The following UBAP2L variants were observed in gnomAD, a reference collection of about 807,000 sequenced individuals.
UBAP2L encodes ubiquitin-associated protein 2-like.
In UBAP2L, 12 loss-of-function variants were observed where a neutral mutation model predicts 130.6. The ratio of observed to expected loss-of-function variants is 0.09; its 90% CI spans 0.06 to 0.15. The LOEUF (loss-of-function observed/expected upper bound fraction) is 0.15, where lower values mean the gene tolerates loss of function less well. Among genes scored for constraint, UBAP2L ranks in the 10% least tolerant of loss-of-function variants. The pLI, the probability that UBAP2L is intolerant of heterozygous loss-of-function variation, is 1.00. For missense variants in UBAP2L, 965 were observed against 1,332.5 expected (o/e 0.72, Z 4.29); for synonymous variants, 503 against 524.7 (o/e 0.96, Z 0.57).
At chr1:154,243,482 A>G (rs1674267751) in intron 10 of UBAP2L, among the ~76,000 whole-genome samples, 180 bp downstream of exon 10, 1 of 149,828 alleles carries the variant, frequency 6.7e-6, no homozygotes, top group Non-Finnish European at 1.5e-5. Flanking sequence ...TGTTTTTGAG[A>G]CAGAGTCTCA....
rs372176341 is a variant in UBAP2L at position 154,255,414 on chromosome 1, A to T, written c.2084+88A>T. Reference sequence around the variant, plus strand: ...TTATTACTCCCTTGACCTGGCAGAGACCACATTAGCCCTGCTTTTGTCGTA... The same window carrying T: ...TTATTACTCCCTTGACCTGGCAGAGTCCACATTAGCCCTGCTTTTGTCGTA... On this transcript the variant is annotated intron_variant, in intron 17 of 26. Transcript: ENST00000428931. 71 of 1,510,768 alleles carry T rather than the reference A, an allele frequency of 4.7e-5. No individual in the cohort carries two copies. The South Asian group carries it at 8.3e-4, about 18-fold the overall frequency. The allele number at this position is 1,510,768 out of a possible 1,614,324, so 93.6% of individuals were successfully genotyped here. A position where few individuals can be genotyped will look rare whatever the true frequency, so the allele number is the denominator to read the frequency against.
intron 1 of UBAP2L, among the ~76,000 whole-genome samples, chr1:154,224,752 G>T (rs1238810011): frequency 6.6e-6 from 1 of 152,136 alleles, no homozygotes; most frequent in East Asian, 1.9e-4. Flanking sequence ...TTCTGTCAAA[G>T]GTACTTCAGA....
rs757879395 is a variant in UBAP2L, at chr1:154,261,588, T to A, written c.2797-4T>A. The stretch of plus-strand genomic sequence containing the variant: ...ACTGCAAATCTGGCCTTTTTGCTCT[T>A]TAGGTGGCTCCTACCTCTTCCAAGC... On this transcript the variant is annotated splice_polypyrimidine_tract_variant and splice_region_variant and intron_variant, in intron 23 of 26. Transcript: ENST00000428931. 3.7e-6 allele frequency: 6 copies of A among 1,614,100 alleles called. No homozygotes were observed. The highest frequency in any genetic ancestry group is 5.1e-6 in the Non-Finnish European group (6 of 1,180,002).
rs1365275199 is a variant in UBAP2L, at chr1:154,251,542, T to C, written c.1553T>C (p.Phe518Ser). Reference protein sequence around the residue: ...SADISGLNLQFGALQFGSEPV... With the variant: ...SADISGLNLQSGALQFGSEPV... ...GATATCTCAGGGCTAAACCTGCAGTTTGGGGCATTGCAGTTTGGGTCAGAG... is the reference window on the plus strand; with the variant it reads ...GATATCTCAGGGCTAAACCTGCAGTCTGGGGCATTGCAGTTTGGGTCAGAG... The change falls in exon 14 of 27, where the codon TTT (phenylalanine) becomes TCT (serine). Residue 518 changes from phenylalanine to serine, a missense_variant. Transcript: ENST00000428931. 6.2e-7 allele frequency: 1 copy of C among 1,614,118 alleles called. No individual in the cohort carries two copies.
At chr1:154,221,363 A>C (rs1665999047) in intron 1 of UBAP2L, 1 of 152,656 alleles carries the variant, frequency 6.6e-6, no homozygotes, top group Non-Finnish European at 1.5e-5. Flanking sequence ...AGCGAGAAAG[A>C]GCGCGAGCGA....
chr1:154,253,816 A>C, intron 14 of UBAP2L, 84 bp from the exon 15 acceptor site: 1 of 1,357,782 alleles, frequency 7.4e-7, no homozygotes, highest in Non-Finnish European at 1.0e-6. Context: ...AAGTTATTCC[A>C]CTAGTAGATC....
chr1:154,239,111 G>A (rs921464799), intron 8 of UBAP2L, among the ~76,000 whole-genome samples: 7 of 151,924 alleles, frequency 4.6e-5, no homozygotes, highest in Admixed American at 6.6e-5. Flanking sequence ...TAGCAAACTT[G>A]AGTTTCCCCT....
Position 154,270,334 on chromosome 1 carries a change from G to GT in UBAP2L, c.*39_*40insT, listed in dbSNP as rs1684472161. 6.2e-7 allele frequency: 1 copy of GT among 1,613,070 alleles called. No homozygotes were observed. Among genetic ancestry groups the GT allele is most frequent in the Admixed American group, 1.7e-5 (1 of 59,882 alleles). On this transcript the variant is annotated 3_prime_UTR_variant, in exon 27 of 27. Coordinates refer to ENST00000428931, the MANE Select transcript of UBAP2L (RefSeq NM_014847.4). ...TTCTCCCGGTCCCATCTTCTGAGAG[G>GT]GCTTCTCAGCCTGGAAACTATGGAA...
At position 154,257,448 on chromosome 1, in the gene UBAP2L, A is replaced by G; in HGVS notation, c.2442+14A>G. The G allele has an allele frequency of 6.2e-7, 1 of 1,612,034 alleles. No individual in the cohort carries two copies. The highest frequency in any genetic ancestry group is 8.5e-7 in the Non-Finnish European group (1 of 1,179,756). ...CATGCCTACCCGGTAAGTGGGACTA[A>G]AGGATCTTCTTCAAAAGGTGAGGAT... On this transcript the variant is annotated intron_variant, in intron 20 of 26. Transcript: ENST00000428931.
intron 4 of UBAP2L, 130 bp downstream of exon 4, chr1:154,228,855 T>C (rs1668846202): frequency 1.8e-6 from 1 of 567,202 alleles, no homozygotes. Flanking sequence ...GGGAACTTTC[T>C]TGGAGATTGT....
At chr1:154,258,939 A>G (rs750460215) in intron 20 of UBAP2L, 38 bp from the exon 21 acceptor site, 5 of 1,585,344 alleles carry the variant, frequency 3.2e-6, no homozygotes, top group Non-Finnish European at 1.7e-6. Context: ...TAACATCATG[A>G]CCAGTTCCTG....
chr1:154,223,157 A>C (rs1370771623), intron 1 of UBAP2L, among the ~76,000 whole-genome samples: 1 of 152,218 alleles, frequency 6.6e-6, no homozygotes, highest in African/African-American at 2.4e-5. Flanking sequence ...AAGCACTTGT[A>C]AGAGGGAAAT....
intron 12 of UBAP2L, 147 bp from the exon 13 acceptor site, chr1:154,250,894 A>G: frequency 2.9e-6 from 2 of 697,630 alleles, no homozygotes; most frequent in Non-Finnish European, 4.6e-6. Context: ...TGTCACCTAT[A>G]GAAATGAGAT....
chr1:154,235,159 G>T lies in UBAP2L; in HGVS notation c.449-37G>T, dbSNP rs12023901. The T allele has an allele frequency of 0.11, 81,848 of 721,898 alleles. 7,036 individuals are homozygous for T. Among genetic ancestry groups the T allele is most frequent in the East Asian group, 0.43 (16,329 of 38,364 alleles). The allele number at this position is 721,898 out of a possible 1,614,324, so 44.7% of individuals were successfully genotyped here. A position where few individuals can be genotyped will look rare whatever the true frequency, so the allele number is the denominator to read the frequency against. ...TGGCCATCTGTGGTTTGGTTTTTTTGTTGTTGTTGTTGTTTTAATTTTTAT... is the reference window on the plus strand; with the variant it reads ...TGGCCATCTGTGGTTTGGTTTTTTTTTTGTTGTTGTTGTTTTAATTTTTAT... On this transcript the variant is annotated intron_variant, in intron 5 of 26. Coordinates refer to ENST00000428931, the MANE Select transcript of UBAP2L (RefSeq NM_014847.4).
chr1:154,222,418 C>G (rs904650717), intron 1 of UBAP2L, among the ~76,000 whole-genome samples: 2 of 152,176 alleles, frequency 1.3e-5, no homozygotes, highest in African/African-American at 4.8e-5. Context: ...GATCTGACAC[C>G]ATTGTCCTTA....
chr1:154,257,166 C>G lies in UBAP2L; in HGVS notation c.2261C>G (p.Ser754Cys), dbSNP rs767343876. The G allele has an allele frequency of 1.7e-5, 27 of 1,614,080 alleles. No individual in the cohort carries two copies. The highest frequency in any genetic ancestry group is 3.3e-4 in the Middle Eastern group (2 of 6,084). ...SAPPPVVSVS[S>C]SLNSGSSLGL... ...CCTCCCCCAGTGGTCAGTGTCTCCT[C>G]CAGTCTCAATAGTGGCAGTAGCCTG... The change falls in exon 19 of 27, where the codon TCC becomes TGC. Residue 754 changes from serine (S) to cysteine (C), a missense_variant. Physicochemically the swap from Ser to Cys is moderately radical, Grantham distance 112. Around this residue, in one of 9 missense-constraint regions of UBAP2L, gnomAD observed 393 missense variants for 408.1 expected, o/e 0.96. Coordinates refer to ENST00000428931, the MANE Select transcript of UBAP2L (RefSeq NM_014847.4).
In UBAP2L at chr1:154,243,102, G is replaced by A. The variant is rs1674118960; in HGVS notation, c.757-115G>A. 7.5e-6 allele frequency: 6 copies of A among 796,942 alleles called. No individual in the cohort carries two copies. The East Asian group carries it at 1.5e-4, about 20-fold the overall frequency. The allele number at this position is 796,942 out of a possible 1,614,324, so 49.4% of individuals were successfully genotyped here. ...CATTCAGGATTCCTCAGGGTAGATA[G>A]TTTTCTCTTTATAGGGCTTTCACTT... On this transcript the variant is annotated intron_variant, in intron 9 of 26. Transcript: ENST00000428931.
At chr1:154,245,177 G>A (rs1674997185) in intron 10 of UBAP2L, among the ~76,000 whole-genome samples, 1 of 152,046 alleles carries the variant, frequency 6.6e-6, no homozygotes. Context: ...CGCCTGCTTT[G>A]GCCTCCCAAA....
chr1:154,244,054 C>A (rs1024395748), intron 10 of UBAP2L, among the ~76,000 whole-genome samples: 1 of 152,138 alleles, frequency 6.6e-6, no homozygotes, highest in African/African-American at 2.4e-5. Flanking sequence ...CAGCAGGATC[C>A]AGCTAATAAA....
Sources: allele counts gnomAD v4.1 joint callset (sites outside exome capture counted in the v4.1 genomes callset), GRCh38; gene constraint gnomAD v4.1.1; regional missense constraint gnomAD v4.1.1; transcripts MANE v1.5; gene names NCBI Gene and HGNC (gene_info 2026-07-23, HGNC 2026-07-21).